The following PCSK1 variants were observed in gnomAD, a reference collection of about 807,000 sequenced individuals.
The protein encoded by PCSK1 is proprotein convertase subtilisin/kexin type 1.
PCSK1 carries 56 observed loss-of-function variants against 90.6 expected under a neutral mutation model. The observed-to-expected ratio is 0.62, with a 90% CI of 0.50 to 0.77. The LOEUF (loss-of-function observed/expected upper bound fraction) is 0.77, where lower values mean the gene tolerates loss of function less well. Ranked by LOEUF, PCSK1 falls within the 30% of genes least tolerant of loss-of-function variation. PCSK1 has a pLI of 0.00. For missense variants in PCSK1, 801 were observed against 932.6 expected, an observed-to-expected ratio of 0.86 and a Z score of 1.84; for synonymous variants, 348 against 342.4, an observed-to-expected ratio of 1.02 and a Z score of -0.18.
chr5:96,405,389 C>T (rs1035342686), intron 9 of PCSK1, among the ~76,000 whole-genome samples: 2 of 152,138 alleles, frequency 1.3e-5, no homozygotes, highest in African/African-American at 2.4e-5. Context: ...GATTCATGGA[C>T]CCCTTGGAAC....
At chr5:96,424,144 A>G (rs192407046) in intron 3 of PCSK1, among the ~76,000 whole-genome samples, 1 of 152,348 alleles carries the variant, frequency 6.6e-6, no homozygotes, top group Non-Finnish European at 1.5e-5. Flanking sequence ...AGCATGTGAG[A>G]CAGAGACAGT....
intron 8 of PCSK1, 96 bp downstream of exon 8, chr5:96,410,678 C>A (rs373616897): frequency 2.0e-6 from 2 of 1,004,622 alleles, no homozygotes; most frequent in African/African-American, 1.6e-5. Context: ...CAAGCTTAAG[C>A]GAATCAGTCG....
chr5:96,410,970 C>T lies in PCSK1; in HGVS notation c.899G>A (p.Gly300Glu). Reference sequence around the variant, plus strand: ...TCCCGAAGCCCAGACGAAGATGGACCCCTTCCCCTGTCTCCCCTAAAGGAA... The same window carrying T: ...TCCCGAAGCCCAGACGAAGATGGACTCCTTCCCCTGTCTCCCCTAAAGGAA... ...YGVKQGRQGKGSIFVWASGNG... is the reference protein window; with the variant it reads ...YGVKQGRQGKESIFVWASGNG... Residue 300 changes from glycine to glutamate, a missense_variant, in exon 8 of 14, where the codon GGG (glycine) becomes GAG (glutamate). By Grantham distance (98) the Gly-to-Glu change is moderately conservative. Transcript: ENST00000311106. 1 of 1,613,134 alleles carries T rather than the reference C, an allele frequency of 6.2e-7. No homozygotes were observed. The highest frequency in any genetic ancestry group is 8.5e-7 in the Non-Finnish European group (1 of 1,179,660).
chr5:96,432,820 C>A, intron 1 of PCSK1, 43 bp downstream of exon 1: 2 of 1,569,140 alleles, frequency 1.3e-6, no homozygotes, highest in Non-Finnish European at 1.8e-6. Context: ...TCCCGCCAGT[C>A]CCCTGGGGCC....
chr5:96,412,499 C>T lies in PCSK1; in HGVS notation c.710-9G>A, dbSNP rs777237344. ...ATCCAGCATTCTTATGCCTGAGAAA[C>T]AAAATAAACAAAGACACACAAAGGT... On this transcript the variant is annotated splice_polypyrimidine_tract_variant and intron_variant, in intron 6 of 13. Coordinates refer to ENST00000311106, the MANE Select transcript of PCSK1 (RefSeq NM_000439.5). 2.5e-6 allele frequency: 4 copies of T among 1,612,610 alleles called. No homozygotes were observed. Among genetic ancestry groups the T allele is most frequent in the African/African-American group, 2.7e-5 (2 of 74,852 alleles).
rs2112389783 is a variant in PCSK1, at chr5:96,394,983, G to C, written c.1765C>G (p.Leu589Val). 6.2e-7 allele frequency: 1 copy of C among 1,613,954 alleles called. No homozygotes were observed. Among genetic ancestry groups the C allele is most frequent in the East Asian group, 2.2e-5 (1 of 44,886 alleles). The change falls in exon 13 of 14, where the codon CTG (leucine) becomes GTG (valine). Residue 589 changes from leucine (L) to valine (V), a missense_variant. Transcript: ENST00000311106. ...QNEGRIVNWK[L>V]ILHGTSSQPE... ...TGAGAAGAGGTCCCGTGCAAAATCA[G>C]CTTCCAGTTCACAATTCTTCCTTCA...
At chr5:96,412,788 G>A in intron 6 of PCSK1, 1 of 251,862 alleles carries the variant, frequency 4.0e-6, no homozygotes, top group Non-Finnish European at 6.2e-6. Context: ...TCCCACTCAA[G>A]GCTCTCTTCC....
In PCSK1 at chr5:96,398,986, C is replaced by G; in HGVS notation, c.1481G>C (p.Cys494Ser). The G allele has an allele frequency of 1.2e-6, 2 of 1,612,774 alleles. No individual in the cohort carries two copies. The highest frequency in any genetic ancestry group is 1.7e-6 in the Non-Finnish European group (2 of 1,178,894). ...CTTGATAGCATTTTCTTGTCCTTCA[C>G]AAGCTCTTGTTGGAATTTCAATGAT... ...EVIIEIPTRA[C>S]EGQENAIKSL... is the part of the protein sequence containing the mutation. Residue 494 changes from cysteine (C) to serine (S), a missense_variant, in exon 11 of 14, where the codon TGT becomes TCT. Transcript: ENST00000311106.
intron 6 of PCSK1, chr5:96,412,919 A>T: frequency 2.1e-6 from 2 of 956,494 alleles, no homozygotes; most frequent in Non-Finnish European, 2.5e-6. Flanking sequence ...TAAATGACAG[A>T]CCAGCTTTCA....
At chr5:96,419,358 G>A (rs1761043216) in intron 5 of PCSK1, among the ~76,000 whole-genome samples, 2 of 142,860 alleles carry the variant, frequency 1.4e-5, no homozygotes, top group Admixed American at 7.1e-5. Context: ...ACTCAATGAA[G>A]TATTATATAT....
At chr5:96,431,114 A>G (rs1580772230) in intron 1 of PCSK1, among the ~76,000 whole-genome samples, 1 of 152,142 alleles carries the variant, frequency 6.6e-6, no homozygotes, top group Non-Finnish European at 1.5e-5. Flanking sequence ...GTCCACCCCC[A>G]TAGGTCATAC....
chr5:96,426,075 G>A, intron 2 of PCSK1, 145 bp from the exon 3 acceptor site: 2 of 679,180 alleles, frequency 2.9e-6, no homozygotes, highest in Non-Finnish European at 5.3e-6. Context: ...TGGCACCTCA[G>A]TGAGAAGAAG....
At chr5:96,425,614 G>A (rs754048580) in intron 3 of PCSK1, among the ~76,000 whole-genome samples, 1 of 151,752 alleles carries the variant, frequency 6.6e-6, no homozygotes, top group African/African-American at 2.4e-5. Flanking sequence ...TTTCACAGCA[G>A]CTAAAGATAT....
At chr5:96,420,787 A>AG (rs1761102915) in intron 5 of PCSK1, among the ~76,000 whole-genome samples, 9 of 143,444 alleles carry the variant, frequency 6.3e-5, no homozygotes, top group African/African-American at 1.0e-4. Flanking sequence ...GAGAGAGAGA[A>AG]AGAGAGAGAG....
At chr5:96,403,278 AT>A (rs1437933008) in intron 9 of PCSK1, among the ~76,000 whole-genome samples, 1 of 152,042 alleles carries the variant, frequency 6.6e-6, no homozygotes, top group East Asian at 1.9e-4. Flanking sequence ...TTTTATTATT[AT>A]TATACTTTAA....
At chr5:96,432,000 A>G (rs560099933) in intron 1 of PCSK1, 2 of 955,688 alleles carry the variant, frequency 2.1e-6, no homozygotes, top group African/African-American at 3.2e-5. Flanking sequence ...ACGCCCACCC[A>G]CCTCCAACCA....
chr5:96,429,055 A>G (rs1466607676), intron 2 of PCSK1, among the ~76,000 whole-genome samples, 158 bp downstream of exon 2: 2 of 152,156 alleles, frequency 1.3e-5, no homozygotes, highest in Non-Finnish European at 2.9e-5. Context: ...ATGTGCCATT[A>G]TAATTTTATG....
chr5:96,424,997 GAGAAAGAAAGAAAAGAA>G (rs1399247481), intron 3 of PCSK1, among the ~76,000 whole-genome samples: 18 of 100,186 alleles, frequency 1.8e-4, no homozygotes, highest in South Asian at 3.0e-4. Context: ...AAGAAAGAAA[GAGAAAGAAAGAAAAGAA>G]AGAAAGAAAG....
chr5:96,399,845 C>G, intron 10 of PCSK1, 108 bp downstream of exon 10: 1 of 829,780 alleles, frequency 1.2e-6, no homozygotes, highest in Non-Finnish European at 2.0e-6. Context: ...AATTCCACCT[C>G]CATCTACTTC....
Sources: gnomAD v4.1 joint callset for allele counts (sites outside exome capture counted in the v4.1 genomes callset) on GRCh38, gnomAD v4.1.1 for gene constraint, MANE v1.5 for transcripts, NCBI Gene and HGNC (gene_info 2026-07-23, HGNC 2026-07-21) for gene names.